MYT1L: variants seen among roughly 807,000 people sequenced by gnomAD.
MYT1L encodes the protein myelin transcription factor 1 like.
A neutral mutation model predicts 126.7 loss-of-function variants in MYT1L; 12 were observed. That is an observed-to-expected ratio of 0.09 (90% CI 0.06 to 0.15). MYT1L has a LOEUF of 0.15. MYT1L is among the 10% of genes least tolerant of loss of function. The probability of loss-of-function intolerance (pLI) is 1.00; values close to 1 mark genes in which losing one functional copy is unlikely to be tolerated. For synonymous variants in MYT1L, 541 were observed against 604.2 expected (o/e 0.90, Z 1.53); for missense variants, 979 against 1,585.2 (o/e 0.62, Z 6.49).
rs151201627 is a variant in MYT1L at position 1,814,175 on chromosome 2, C to T, written c.3081-5008G>A. Reference sequence around the variant, plus strand: ...GCTGTCCACTCACGAATTCCCCAGGCCAGCGATCTTCTCTGCCGCTAGGTG... The same window carrying T: ...GCTGTCCACTCACGAATTCCCCAGGTCAGCGATCTTCTCTGCCGCTAGGTG... On this transcript the variant is annotated intron_variant, in intron 21 of 24. Coordinates refer to ENST00000647738, the MANE Select transcript of MYT1L (RefSeq NM_001303052.2). Among the ~76,000 whole-genome samples, 1,270 of 152,260 alleles carry T rather than the reference C, an allele frequency of 8.3e-3. 22 individuals carry two copies. The highest frequency in any genetic ancestry group is 0.029 in the African/African-American group (1,212 of 41,552).
chr2:2,033,641 C>T (rs960025157), intron 4 of MYT1L, among the ~76,000 whole-genome samples: 1 of 152,294 alleles, frequency 6.6e-6, no homozygotes, highest in East Asian at 1.9e-4. Context: ...TTTCACCTTG[C>T]TCACGAAATT....
At chr2:2,124,531 G>C (rs1330437623) in intron 3 of MYT1L, among the ~76,000 whole-genome samples, 1 of 152,090 alleles carries the variant, frequency 6.6e-6, no homozygotes, top group African/African-American at 2.4e-5. Flanking sequence ...TCTGACCTCA[G>C]GTAATGCACC....
At chr2:2,159,830 T>C (rs555908158) in intron 3 of MYT1L, among the ~76,000 whole-genome samples, 38 of 152,212 alleles carry the variant, frequency 2.5e-4, no homozygotes, top group African/African-American at 9.1e-4. Context: ...TTGCATTTCC[T>C]CTGGGGGGCT....
chr2:2,156,503 A>G (rs1386330082), intron 3 of MYT1L, among the ~76,000 whole-genome samples: 2 of 152,244 alleles, frequency 1.3e-5, no homozygotes, highest in African/African-American at 4.8e-5. Context: ...ACTAAATCTC[A>G]GCTTATTCCT....
chr2:1,937,336 T>A (rs1486814021), intron 9 of MYT1L, among the ~76,000 whole-genome samples: 1 of 151,706 alleles, frequency 6.6e-6, no homozygotes, highest in Non-Finnish European at 1.5e-5. Context: ...AAGGTCCTAA[T>A]GTCTGCAGCC....
chr2:1,812,176 C>G (rs1379087516), intron 21 of MYT1L, among the ~76,000 whole-genome samples: 1 of 151,950 alleles, frequency 6.6e-6, no homozygotes, highest in African/African-American at 2.4e-5. Flanking sequence ...TTTGTGAGAC[C>G]AGGAGGCCCA....
intron 4 of MYT1L, among the ~76,000 whole-genome samples, chr2:2,040,127 T>C (rs924785041): frequency 6.6e-6 from 1 of 152,198 alleles, no homozygotes; most frequent in Non-Finnish European, 1.5e-5. Flanking sequence ...AGGGCTACTA[T>C]TTCAGTCTCA....
intron 2 of MYT1L, among the ~76,000 whole-genome samples, chr2:2,203,912 G>T (rs1200694959): frequency 6.6e-6 from 1 of 152,054 alleles, no homozygotes; most frequent in East Asian, 1.9e-4. Context: ...CCAAAACAGA[G>T]ATATAGACCA....
intron 8 of MYT1L, among the ~76,000 whole-genome samples, chr2:1,959,071 G>A (rs2058746830): frequency 6.6e-6 from 1 of 152,200 alleles, no homozygotes; most frequent in Admixed American, 6.5e-5. Context: ...GCGTCTTGGT[G>A]TTTGATAAAT....
chr2:2,092,165 A>C (rs900515271), intron 3 of MYT1L, among the ~76,000 whole-genome samples: 1 of 152,206 alleles, frequency 6.6e-6, no homozygotes, highest in Non-Finnish European at 1.5e-5. Context: ...TTCCTTACTA[A>C]GCTTAATCAT....
chr2:1,846,774 C>CT (rs2042551880), intron 19 of MYT1L, among the ~76,000 whole-genome samples: 1 of 152,212 alleles, frequency 6.6e-6, no homozygotes, highest in African/African-American at 2.4e-5. Context: ...TCCGGACCCT[C>CT]TGACTAAACA....
intron 4 of MYT1L, among the ~76,000 whole-genome samples, chr2:2,050,866 C>T (rs779542298): frequency 1.3e-5 from 2 of 152,068 alleles, no homozygotes; most frequent in Non-Finnish European, 2.9e-5. Flanking sequence ...GTAGGACTAG[C>T]AGAACAATTC....
chr2:2,151,268 T>C (rs1052464305), intron 3 of MYT1L, among the ~76,000 whole-genome samples: 9 of 152,188 alleles, frequency 5.9e-5, no homozygotes, highest in African/African-American at 1.9e-4. Context: ...AAGAGACCAT[T>C]GCTTTTATGA....
At chr2:1,875,559 T>C (rs924844522) in intron 18 of MYT1L, among the ~76,000 whole-genome samples, 2 of 152,216 alleles carry the variant, frequency 1.3e-5, no homozygotes, top group Admixed American at 1.3e-4. Flanking sequence ...ATCAAAGCAG[T>C]TCTCTGAGGA....
intron 4 of MYT1L, among the ~76,000 whole-genome samples, chr2:2,048,878 T>G (rs1348614756): frequency 1.3e-5 from 2 of 152,218 alleles, no homozygotes; most frequent in Non-Finnish European, 2.9e-5. Context: ...TTTGGCATCC[T>G]ACTCTCCTAC....
At chr2:2,227,672 C>G (rs545892181) in intron 2 of MYT1L, among the ~76,000 whole-genome samples, 1 of 152,260 alleles carries the variant, frequency 6.6e-6, no homozygotes, top group African/African-American at 2.4e-5. Flanking sequence ...GCAAAAAACT[C>G]TTTCTTTTTG....
intron 2 of MYT1L, among the ~76,000 whole-genome samples, chr2:2,221,937 C>T (rs1222765915): frequency 6.6e-6 from 1 of 152,172 alleles, no homozygotes; most frequent in Non-Finnish European, 1.5e-5. Flanking sequence ...TTCCTGTTTT[C>T]CCACAGAAAG....
chr2:2,025,088 T>C (rs903406881), intron 4 of MYT1L, among the ~76,000 whole-genome samples: 2 of 152,264 alleles, frequency 1.3e-5, no homozygotes, highest in Admixed American at 6.5e-5. Context: ...TTCTGTGTTT[T>C]TAATTTTATA....
Position 2,059,573 on chromosome 2 carries a change from G to A in MYT1L, c.-303-5450C>T, listed in dbSNP as rs1464670636. Among the ~76,000 whole-genome samples, 3 of 152,190 alleles carry A rather than the reference G, an allele frequency of 2.0e-5. No homozygotes were observed. Among genetic ancestry groups the A allele is most frequent in the East Asian group, 3.9e-4 (2 of 5,188 alleles). On this transcript the variant is annotated intron_variant, in intron 3 of 24. Transcript: ENST00000647738. This position sits in a 1 kb window ranked among gnomAD's most constrained non-coding sequence, Gnocchi z 4.7. Reference sequence around the variant, plus strand: ...CCACACAGTCCCTGCCAAAGGCCTTGCACCAAAGCACAAACGGACGCAGGA... The same window carrying A: ...CCACACAGTCCCTGCCAAAGGCCTTACACCAAAGCACAAACGGACGCAGGA...
Sources: allele counts gnomAD v4.1 joint callset (sites outside exome capture counted in the v4.1 genomes callset), GRCh38; gene constraint gnomAD v4.1.1; non-coding constraint Gnocchi (gnomAD v3.1); transcripts MANE v1.5; gene names NCBI Gene and HGNC (gene_info 2026-07-23, HGNC 2026-07-21).